Variants in GREB1L observed in about 807,000 individuals in gnomAD.
GREB1L encodes the protein GREB1 like retinoic acid receptor coactivator.
GREB1L carries 17 observed loss-of-function variants against 200.8 expected under a neutral mutation model. The observed-to-expected ratio is 0.08, with a 90% CI of 0.06 to 0.13. The LOEUF is 0.13. GREB1L is among the 10% of genes least tolerant of loss of function. The pLI, the probability that GREB1L is intolerant of heterozygous loss-of-function variation, is 1.00. For missense variants in GREB1L, 1,657 were observed against 2,367.7 expected (o/e 0.70, Z 6.23); for synonymous variants, 789 against 893.0 (o/e 0.88, Z 2.08).
chr18:21,413,760 A>G (rs1029091591), intron 7 of GREB1L, among the ~76,000 whole-genome samples: 2 of 152,220 alleles, frequency 1.3e-5, no homozygotes, highest in African/African-American at 4.8e-5. Context: ...GCTACGGGTC[A>G]TGCATGTGCT....
intron 4 of GREB1L, among the ~76,000 whole-genome samples, chr18:21,390,300 A>G (rs2144237474): frequency 6.6e-6 from 1 of 152,274 alleles, no homozygotes; most frequent in African/African-American, 2.4e-5. Context: ...TTATTAAAAA[A>G]AAAAAGTTTA....
At chr18:21,297,097 G>A (rs2038542005) in intron 1 of GREB1L, among the ~76,000 whole-genome samples, 1 of 152,178 alleles carries the variant, frequency 6.6e-6, no homozygotes, top group African/African-American at 2.4e-5. Context: ...CCACCTGGAA[G>A]CTTTTTAGAA....
intron 20 of GREB1L, among the ~76,000 whole-genome samples, chr18:21,496,081 C>T (rs1241472902): frequency 6.6e-6 from 1 of 152,064 alleles, no homozygotes; most frequent in Admixed American, 6.5e-5. Context: ...TGTTAATCTG[C>T]TATTCCTGCA....
intron 1 of GREB1L, among the ~76,000 whole-genome samples, chr18:21,337,954 T>C (rs2039212699): frequency 6.6e-6 from 1 of 152,010 alleles, no homozygotes; most frequent in African/African-American, 2.4e-5. Flanking sequence ...ACCACTGCAC[T>C]GCAGCCTAGG....
intron 10 of GREB1L, among the ~76,000 whole-genome samples, chr18:21,441,866 G>A (rs1424953212): frequency 1.3e-5 from 2 of 152,160 alleles, no homozygotes; most frequent in Non-Finnish European, 2.9e-5. Flanking sequence ...ACAACCAGGA[G>A]CAACCAGAAC....
At chr18:21,447,303 A>G (rs564710920) in intron 11 of GREB1L, among the ~76,000 whole-genome samples, 120 of 152,182 alleles carry the variant, frequency 7.9e-4, no homozygotes, top group African/African-American at 2.8e-3. Context: ...AAAATTTAAA[A>G]AAAAAATTTT....
chr18:21,346,187 C>T (rs1350048413), intron 1 of GREB1L, among the ~76,000 whole-genome samples: 1 of 152,146 alleles, frequency 6.6e-6, no homozygotes, highest in African/African-American at 2.4e-5. Flanking sequence ...CACTAATTCC[C>T]ACTGATTTCA....
At position 21,349,541 on chromosome 18, in the gene GREB1L, G is replaced by A. The variant is rs2039403260; in HGVS notation, c.-119-16486G>A. On this transcript the variant is annotated intron_variant, in intron 1 of 32. Transcript: ENST00000424526. ...ACGTGGCCTGTTAGGAACTGGGCCG[G>A]CACAACAGGTTGTGAGCCGTGGGCA... is the stretch of plus-strand genomic sequence containing the variant. Among the ~76,000 whole-genome samples, 5 of 152,280 alleles carry A rather than the reference G, an allele frequency of 3.3e-5. No homozygotes were observed. The South Asian group carries it at 8.3e-4, about 25-fold the overall frequency.
At chr18:21,273,175 C>A (rs1462608205) in intron 1 of GREB1L, among the ~76,000 whole-genome samples, 1 of 152,176 alleles carries the variant, frequency 6.6e-6, no homozygotes, top group African/African-American at 2.4e-5. Context: ...TTGCAGTGAG[C>A]TGAGATTGTG....
At chr18:21,324,738 A>T (rs1262101932) in intron 1 of GREB1L, among the ~76,000 whole-genome samples, 3 of 152,202 alleles carry the variant, frequency 2.0e-5, no homozygotes, top group Non-Finnish European at 2.9e-5. Flanking sequence ...TGAACCCAGG[A>T]GGTGGAGCTT....
chr18:21,457,606 AC>A (rs2034828755), intron 15 of GREB1L, among the ~76,000 whole-genome samples: 1 of 152,204 alleles, frequency 6.6e-6, no homozygotes. Flanking sequence ...TACAGTGTGT[AC>A]CTCTTTCCAT....
chr18:21,295,271 C>T (rs1432769388), intron 1 of GREB1L, among the ~76,000 whole-genome samples: 3 of 152,158 alleles, frequency 2.0e-5, no homozygotes, highest in Non-Finnish European at 4.4e-5. Flanking sequence ...ACCTTGCTTC[C>T]TCATGGTGAG....
At position 21,514,003 on chromosome 18, in the gene GREB1L, G is replaced by A. The variant is rs759807663; in HGVS notation, c.4901+17G>A. The A allele has an allele frequency of 1.3e-6, 2 of 1,549,828 alleles. No homozygotes were observed. Among genetic ancestry groups the A allele is most frequent in the Non-Finnish European group, 1.7e-6 (2 of 1,145,674 alleles). On this transcript the variant is annotated intron_variant, in intron 28 of 32. Coordinates refer to ENST00000424526, the MANE Select transcript of GREB1L (RefSeq NM_001142966.3). ...GCCATCCAGGTAGACTTCCAAGCTG[G>A]GGGCGTATGACACAATGCTATAGAC...
intron 8 of GREB1L, among the ~76,000 whole-genome samples, 164 bp downstream of exon 8, chr18:21,439,801 A>G (rs1276306822): frequency 6.6e-6 from 1 of 152,224 alleles, no homozygotes; most frequent in Non-Finnish European, 1.5e-5. Flanking sequence ...ATGAGTAAAT[A>G]TCTTGGGATT....
At chr18:21,448,916 C>T (rs2034379558) in intron 11 of GREB1L, among the ~76,000 whole-genome samples, 1 of 152,124 alleles carries the variant, frequency 6.6e-6, no homozygotes, top group African/African-American at 2.4e-5. Context: ...ATCCAGAATG[C>T]TGGGGAATAA....
intron 7 of GREB1L, 95 bp downstream of exon 7, chr18:21,404,089 G>A (rs1484405207): frequency 7.2e-6 from 8 of 1,108,626 alleles, no homozygotes; most frequent in Non-Finnish European, 1.0e-5. Context: ...TTTGAATAGA[G>A]ATATTTCAAA....
chr18:21,451,314 C>A (rs1243481988), intron 13 of GREB1L, 163 bp downstream of exon 13: 3 of 716,126 alleles, frequency 4.2e-6, no homozygotes, highest in Non-Finnish European at 6.6e-6. Flanking sequence ...CCACAGGAAG[C>A]AGTAAGGGGG....
At chr18:21,479,068 G>A (rs945500187) in intron 17 of GREB1L, among the ~76,000 whole-genome samples, 11 of 151,822 alleles carry the variant, frequency 7.2e-5, no homozygotes, top group African/African-American at 2.4e-4. Flanking sequence ...TTTTAATAGA[G>A]ACCAAATTTC....
chr18:21,387,394 A>T (rs572594771), intron 4 of GREB1L: 1 of 152,372 alleles, frequency 6.6e-6, no homozygotes, highest in African/African-American at 2.4e-5. Context: ...TTTTAAAAAA[A>T]TTAAAATCAT....
Sources: gnomAD v4.1 joint callset for allele counts (sites outside exome capture counted in the v4.1 genomes callset) on GRCh38, gnomAD v4.1.1 for gene constraint, MANE v1.5 for transcripts, NCBI Gene and HGNC (gene_info 2026-07-23, HGNC 2026-07-21) for gene names.